GSN: variants seen among roughly 807,000 people sequenced by gnomAD.
The protein encoded by GSN is actin-depolymerizing factor.
A neutral mutation model predicts 85.7 loss-of-function variants in GSN; 56 were observed. The observed-to-expected ratio is 0.65, with a 90% CI of 0.53 to 0.82. The LOEUF is 0.82. Ranked by LOEUF, GSN falls within the 40% of genes least tolerant of loss-of-function variation. The pLI is 0.00. For missense variants in GSN, 857 were observed against 979.8 expected (o/e 0.87, Z 1.67); for synonymous variants, 373 against 399.1 (o/e 0.93, Z 0.78).
Position 121,234,221 on chromosome 9 carries a change from A to G in GSN, c.-389+2918A>G, listed in dbSNP as rs568403544. On this transcript the variant is annotated intron_variant, in intron 5 of 24. Transcript: ENST00000373823. Reference sequence around the variant, plus strand: ...TCACGGCCGTGCCTAGCTGCAAGGGAGACTGGAAAATGGTATCTTGATTTT... The same window carrying G: ...TCACGGCCGTGCCTAGCTGCAAGGGGGACTGGAAAATGGTATCTTGATTTT... Among the ~76,000 whole-genome samples the G allele has an allele frequency of 2.0e-5, 3 of 152,266 alleles. No homozygotes were observed. The South Asian group carries it at 6.2e-4, about 32-fold the overall frequency.
chr9:121,227,548 G>A (rs113692594), intron 4 of GSN, among the ~76,000 whole-genome samples: 1 of 152,068 alleles, frequency 6.6e-6, no homozygotes, highest in South Asian at 2.1e-4. Context: ...CCTACTACTT[G>A]CAATGTGTAT....
In GSN at chr9:121,317,082, T is replaced by C; in HGVS notation, c.754-4T>C. On this transcript the variant is annotated splice_polypyrimidine_tract_variant and splice_region_variant and intron_variant, in intron 7 of 17. Transcript: ENST00000432226. ...TGCTGGTTCCTTCTGCTTCGTCCCCTCAGGTCTCCAATGGTGCAGGGACCA... is the reference window on the plus strand; with the variant it reads ...TGCTGGTTCCTTCTGCTTCGTCCCCCCAGGTCTCCAATGGTGCAGGGACCA... The C allele has an allele frequency of 6.2e-7, 1 of 1,614,174 alleles. No homozygotes were observed. The highest frequency in any genetic ancestry group is 8.5e-7 in the Non-Finnish European group (1 of 1,180,026).
At chr9:121,222,156 T>C (rs372670234) in intron 4 of GSN, 12 of 152,164 alleles carry the variant, frequency 7.9e-5, no homozygotes, top group African/African-American at 2.9e-4. Flanking sequence ...ATATGAAATG[T>C]ATAAAGAAGA....
chr9:121,286,894 G>A, intron 2 of GSN: 1 of 733,990 alleles, frequency 1.4e-6, no homozygotes, highest in East Asian at 2.7e-5. Context: ...TATAAAAGGA[G>A]ACAATGCCAG....
intron 7 of GSN, among the ~76,000 whole-genome samples, chr9:121,315,102 C>T (rs533423297): frequency 1.3e-5 from 2 of 152,308 alleles, no homozygotes; most frequent in Admixed American, 1.3e-4. Flanking sequence ...CTCATGTGAT[C>T]TGCCCACCTC....
chr9:121,286,647 C>T (rs2058116689), intron 2 of GSN: 1 of 1,533,668 alleles, frequency 6.5e-7, no homozygotes, highest in African/African-American at 1.4e-5. Context: ...GTTTGTGTGC[C>T]CTCTGGGCCG....
At chr9:121,203,691 A>G (rs767706677), upstream of GSN, among the ~76,000 whole-genome samples, 1 of 152,248 alleles carries the variant, frequency 6.6e-6, no homozygotes, top group Admixed American at 6.5e-5. Flanking sequence ...TTCCTGCTCT[A>G]TAATCTAATG....
intron 7 of GSN, among the ~76,000 whole-genome samples, chr9:121,316,271 T>C (rs547381807): frequency 6.6e-6 from 1 of 152,336 alleles, no homozygotes; most frequent in African/African-American, 2.4e-5. Flanking sequence ...AGTTCCTATA[T>C]ACCATTCACT....
intron 12 of GSN, among the ~76,000 whole-genome samples, chr9:121,326,117 A>G (rs925502928): frequency 6.7e-6 from 1 of 149,216 alleles, no homozygotes; most frequent in Admixed American, 6.7e-5. Context: ...TGGATCTAGA[A>G]TGCTCTGTTC....
intron 5 of GSN, among the ~76,000 whole-genome samples, chr9:121,232,792 A>G (rs954362189): frequency 1.3e-5 from 2 of 152,232 alleles, no homozygotes; most frequent in East Asian, 1.9e-4. Flanking sequence ...CCAAAACTCC[A>G]TGGATCATAG....
rs1261000652 is a variant in GSN at position 121,299,899 on chromosome 9, C to CGCTGTCCCTGGCGCTGT, written c.-9-2061_-9-2045dup. 7.6e-7 allele frequency: 1 copy of CGCTGTCCCTGGCGCTGT among 1,314,006 alleles called. No homozygotes were observed. The highest frequency in any genetic ancestry group is 1.5e-5 in the African/African-American group (1 of 64,714). 81.4% of individuals were successfully genotyped at this position (1,314,006 alleles called of 1,614,324 possible). ...CGCCCCGCGCCCGCGCTGCTTTGCGCGCTGTCCCTGGCGCTGTGCGCGCTG... is the reference window on the plus strand; with the variant it reads ...CGCCCCGCGCCCGCGCTGCTTTGCGCGCTGTCCCTGGCGCTGTGCTGTCCCTGGCGCTGTGCGCGCTG... On this transcript the variant is annotated intron_variant, in intron 2 of 17. Transcript: ENST00000432226. The surrounding 1 kb of genome is among the most constrained non-coding windows in gnomAD (Gnocchi z 4.2).
chr9:121,220,846 T>G (rs7856572), intron 4 of GSN, among the ~76,000 whole-genome samples: 31,437 of 152,220 alleles, frequency 0.21, 3,718 homozygotes, highest in African/African-American at 0.32. Flanking sequence ...CTTGTATTTA[T>G]TTTTATGGAA....
chr9:121,307,938 C>T (rs909213120), intron 4 of GSN, among the ~76,000 whole-genome samples: 6 of 152,246 alleles, frequency 3.9e-5, no homozygotes, highest in South Asian at 4.1e-4. Context: ...CCAGGCCTCA[C>T]GGCCATCCAG....
intron 17 of GSN, 128 bp downstream of exon 17, chr9:121,331,576 TTCC>T: frequency 1.5e-6 from 1 of 654,690 alleles, no homozygotes; most frequent in Non-Finnish European, 2.8e-6. Flanking sequence ...GGGTGGGGAC[TTCC>T]TCCTCTGTGG....
chr9:121,315,950 G>A (rs776543490), intron 7 of GSN, among the ~76,000 whole-genome samples: 2 of 152,082 alleles, frequency 1.3e-5, no homozygotes, highest in Non-Finnish European at 2.9e-5. Flanking sequence ...GGATTAAAGG[G>A]GTTCTATAAT....
At chr9:121,257,668 C>T (rs376641488) in intron 6 of GSN, among the ~76,000 whole-genome samples, 2 of 152,124 alleles carry the variant, frequency 1.3e-5, no homozygotes, top group African/African-American at 4.8e-5. Context: ...GTCAGGAGTT[C>T]GAGACCAGCC....
chr9:121,302,247 G>T, intron 3 of GSN, 80 bp downstream of exon 3: 1 of 1,479,964 alleles, frequency 6.8e-7, no homozygotes, highest in Non-Finnish European at 9.4e-7. Context: ...CCCCAGGGAG[G>T]GAACTGATTA....
At chr9:121,310,331 A>G (rs1172597083) in intron 4 of GSN, 2 of 339,430 alleles carry the variant, frequency 5.9e-6, no homozygotes, top group African/African-American at 2.1e-5. Context: ...GTTTTGAGGA[A>G]GGAATTGTTG....
At chr9:121,214,578 C>T (rs945117328) in intron 4 of GSN, among the ~76,000 whole-genome samples, 2 of 152,138 alleles carry the variant, frequency 1.3e-5, no homozygotes, top group Admixed American at 1.3e-4. Context: ...ATGACTGTTT[C>T]TAAGAACAAA....
Sources: gnomAD v4.1 joint callset for allele counts (sites outside exome capture counted in the v4.1 genomes callset) on GRCh38, gnomAD v4.1.1 for gene constraint, Gnocchi (gnomAD v3.1) non-coding constraint, MANE v1.5 for transcripts, NCBI Gene and HGNC (gene_info 2026-07-23, HGNC 2026-07-21) for gene names.